The following PCDHA10 variants were observed in gnomAD, a reference collection of about 807,000 sequenced individuals.
The protein encoded by PCDHA10 is protocadherin alpha 10, also known as protocadherin alpha-10.
In PCDHA10, 45 loss-of-function variants were observed where a neutral mutation model predicts 61.2. That is an observed-to-expected ratio of 0.74 (90% CI 0.58 to 0.94). The LOEUF (loss-of-function observed/expected upper bound fraction) is 0.94, where lower values mean the gene tolerates loss of function less well. PCDHA10 is among the 40% of genes least tolerant of loss of function. The pLI, the probability that PCDHA10 is intolerant of heterozygous loss-of-function variation, is 0.00. For synonymous variants in PCDHA10, 602 were observed against 548.8 expected (o/e 1.10, Z -1.35); for missense variants, 1,278 against 1,236.2 (o/e 1.03, Z -0.51).
At chr5:140,958,199 A>G (rs2095413345) in intron 1 of PCDHA10, among the ~76,000 whole-genome samples, 1 of 152,140 alleles carries the variant, frequency 6.6e-6, no homozygotes, top group Non-Finnish European at 1.5e-5. Context: ...GGTCTAGTAT[A>G]CAAGGGAATT....
intron 1 of PCDHA10, chr5:140,882,497 G>A (rs1554174299): frequency 6.2e-7 from 1 of 1,614,140 alleles, no homozygotes; most frequent in South Asian, 1.1e-5. Context: ...CCTTCTGGAG[G>A]TAAATCTGCA....
rs377577023 is a variant in PCDHA10, at chr5:140,857,981, C to G, written c.1933C>G (p.Arg645Gly). The G allele has an allele frequency of 6.3e-7, 1 of 1,596,978 alleles. No homozygotes were observed. The highest frequency in any genetic ancestry group is 8.6e-7 in the Non-Finnish European group (1 of 1,167,200). Residue 645 changes from arginine (R) to glycine (G), a missense_variant, in exon 1 of 4, where the codon CGC becomes GGC. By Grantham distance (125) the Arg-to-Gly change is moderately radical. Transcript: ENST00000307360. Reference sequence around the variant, plus strand: ...GGATGAGACTGACTCGCCACGCCAGCGCCTACTGGTGCTGGTGAAGGACCA... The same window carrying G: ...GGATGAGACTGACTCGCCACGCCAGGGCCTACTGGTGCTGGTGAAGGACCA... Reference protein sequence around the residue: ...ALDETDSPRQRLLVLVKDHGE... With the variant: ...ALDETDSPRQGLLVLVKDHGE...
chr5:140,988,152 C>G (rs2153871090), intron 3 of PCDHA10, among the ~76,000 whole-genome samples: 1 of 152,258 alleles, frequency 6.6e-6, no homozygotes, highest in East Asian at 1.9e-4. Flanking sequence ...ACCTCAACTT[C>G]TGCCGTTGTC....
chr5:140,960,789 T>C (rs1221128371), intron 1 of PCDHA10, among the ~76,000 whole-genome samples: 3 of 152,058 alleles, frequency 2.0e-5, no homozygotes. Context: ...CCAAACAAGG[T>C]TTCTATTAAA....
chr5:140,858,071 C>A lies in PCDHA10; in HGVS notation c.2023C>A (p.Pro675Thr). ...GTCGCTTGTGGAGGGCAGCCAGGCA[C>A]CCAAGGCCTCGTCGCGGGCTTCAGT... is the stretch of plus-strand genomic sequence containing the variant. ...LVSLVEGSQA[P>T]KASSRASVGV... The change falls in exon 1 of 4, where the codon CCC becomes ACC. Residue 675 changes from proline (P) to threonine (T), a missense_variant. Physicochemically the swap from Pro to Thr is conservative, Grantham distance 38. Coordinates refer to ENST00000307360, the MANE Select transcript of PCDHA10 (RefSeq NM_018901.4). The A allele has an allele frequency of 6.3e-7, 1 of 1,597,680 alleles. No homozygotes were observed. The highest frequency in any genetic ancestry group is 8.6e-7 in the Non-Finnish European group (1 of 1,167,622).
intron 1 of PCDHA10, among the ~76,000 whole-genome samples, chr5:140,932,387 T>C (rs1419863335): frequency 6.6e-6 from 1 of 151,960 alleles, no homozygotes; most frequent in Non-Finnish European, 1.5e-5. Context: ...AAGTTATACA[T>C]AGTTTCAACA....
At chr5:140,976,203 A>T (rs1301475935) in intron 1 of PCDHA10, among the ~76,000 whole-genome samples, 1 of 152,220 alleles carries the variant, frequency 6.6e-6, no homozygotes, top group East Asian at 1.9e-4. Flanking sequence ...GAAACTCAGA[A>T]GTAAAAAAGA....
intron 1 of PCDHA10, chr5:140,877,253 T>G (rs2056969600): frequency 1.2e-6 from 2 of 1,613,576 alleles, no homozygotes; most frequent in Non-Finnish European, 8.5e-7. Context: ...GTGGCGAAAG[T>G]GCGCGCGGTG....
At chr5:140,861,501 C>A in intron 1 of PCDHA10, 1 of 480,612 alleles carries the variant, frequency 2.1e-6, no homozygotes, top group South Asian at 1.6e-5. Flanking sequence ...TCTGATAGAC[C>A]TCGAGGAGCT....
rs782065685 is a variant in PCDHA10, at chr5:140,870,421, G to T, written c.2388+11985G>T. 9.3e-6 allele frequency: 15 copies of T among 1,614,096 alleles called. No individual in the cohort carries two copies. The highest frequency in any genetic ancestry group is 1.3e-5 in the Non-Finnish European group (15 of 1,180,046). On this transcript the variant is annotated intron_variant, in intron 1 of 3. Coordinates refer to ENST00000307360, the MANE Select transcript of PCDHA10 (RefSeq NM_018901.4). ...GCCTTCTCTGTGGGCCACGGCCAGG[G>T]TATCCGTGGAGGTGGCCGACGTGAA...
At chr5:140,925,866 G>A (rs952823745) in intron 1 of PCDHA10, among the ~76,000 whole-genome samples, 2 of 152,002 alleles carry the variant, frequency 1.3e-5, no homozygotes, top group Admixed American at 1.3e-4. Flanking sequence ...TATTGCTATT[G>A]ACTGGTTTAT....
Position 140,924,861 on chromosome 5 carries a change from C to T in PCDHA10, c.2389-54088C>T, listed in dbSNP as rs150955497. ...AGGGAGCTCAGATCGTGCCACTGCA[C>T]TCCAGCCTGGGTGACAGAGCAAGAA... On this transcript the variant is annotated intron_variant, in intron 1 of 3. Transcript: ENST00000307360. Among the ~76,000 whole-genome samples, 427 of 150,140 alleles carry T rather than the reference C, an allele frequency of 2.8e-3. 1 individual carries two copies. The highest frequency in any genetic ancestry group is 0.01 in the African/African-American group (408 of 40,512).
chr5:140,955,976 G>A (rs2095244273), intron 1 of PCDHA10, among the ~76,000 whole-genome samples: 1 of 152,180 alleles, frequency 6.6e-6, no homozygotes, highest in South Asian at 2.1e-4. Flanking sequence ...AGGAATGCTA[G>A]CAATTTTTGC....
rs782508103 is a variant in PCDHA10, at chr5:140,856,192, G to T, written c.144G>T (p.Ala48=). ...ARHGTFVGRI[A]QDLGLELAEL... ...ACGGCACCTTCGTGGGCCGCATCGCGCAGGACCTGGGGCTGGAGCTGGCGG... is the reference window on the plus strand; with the variant it reads ...ACGGCACCTTCGTGGGCCGCATCGCTCAGGACCTGGGGCTGGAGCTGGCGG... The change falls in exon 1 of 4, where the codon GCG becomes GCT. Residue 48 remains alanine (A), a synonymous_variant. Coordinates refer to ENST00000307360, the MANE Select transcript of PCDHA10 (RefSeq NM_018901.4). The T allele has an allele frequency of 3.7e-5, 59 of 1,598,180 alleles. 4 individuals carry two copies. Among genetic ancestry groups the T allele is most frequent in the South Asian group, 2.8e-4 (25 of 90,510 alleles).
At chr5:140,886,746 A>C (rs2061113111) in intron 1 of PCDHA10, among the ~76,000 whole-genome samples, 1 of 151,722 alleles carries the variant, frequency 6.6e-6, no homozygotes. Context: ...GAATTGCTTG[A>C]ACCCGGGAGG....
intron 1 of PCDHA10, among the ~76,000 whole-genome samples, chr5:140,872,813 A>G (rs2053916797): frequency 6.6e-6 from 1 of 152,208 alleles, no homozygotes; most frequent in Non-Finnish European, 1.5e-5. Flanking sequence ...TAAGTTTTTC[A>G]GATTCATCTA....
At chr5:140,859,459 C>G (rs1379028308) in intron 1 of PCDHA10, 1 of 216,756 alleles carries the variant, frequency 4.6e-6, no homozygotes, top group Non-Finnish European at 8.9e-6. Context: ...AGTGACAAAA[C>G]TACACTATCA....
chr5:140,868,184 G>A (rs1216562415), intron 1 of PCDHA10: 3 of 151,962 alleles, frequency 2.0e-5, no homozygotes, highest in African/African-American at 7.2e-5. Context: ...CTCATATTAT[G>A]CTACTATGGC....
At chr5:140,988,085 G>T (rs1490034264) in intron 3 of PCDHA10, among the ~76,000 whole-genome samples, 1 of 152,176 alleles carries the variant, frequency 6.6e-6, no homozygotes, top group East Asian at 1.9e-4. Flanking sequence ...ATGAGTGAGT[G>T]CAGCCTCGGG....
Sources: allele counts gnomAD v4.1 joint callset (sites outside exome capture counted in the v4.1 genomes callset), GRCh38; gene constraint gnomAD v4.1.1; transcripts MANE v1.5; gene names NCBI Gene and HGNC (gene_info 2026-07-23, HGNC 2026-07-21).